SLC25A13: variants seen among roughly 807,000 people sequenced by gnomAD.
The protein encoded by SLC25A13 is electrogenic aspartate/glutamate antiporter SLC25A13, mitochondrial.
Under a neutral mutation model 85.5 loss-of-function variants are expected in SLC25A13, and 70 were observed. That is an observed-to-expected ratio of 0.82 (90% CI 0.68 to 1.00). SLC25A13 has a LOEUF of 1.00. Among genes scored for constraint, SLC25A13 ranks in the 50% least tolerant of loss-of-function variants. SLC25A13 has a pLI of 0.00. For missense variants in SLC25A13, 765 were observed against 819.8 expected (o/e 0.93, Z 0.82); for synonymous variants, 259 against 288.7 (o/e 0.90, Z 1.04).
chr7:96,292,110 C>G (rs781372773), intron 2 of SLC25A13, among the ~76,000 whole-genome samples: 4 of 152,178 alleles, frequency 2.6e-5, no homozygotes, highest in Non-Finnish European at 5.9e-5. Flanking sequence ...CCCTGGGGTG[C>G]AAGGCTGGTT....
intron 4 of SLC25A13, among the ~76,000 whole-genome samples, chr7:96,213,806 A>G (rs1795788612): frequency 6.6e-6 from 1 of 152,216 alleles, no homozygotes; most frequent in African/African-American, 2.4e-5. Flanking sequence ...TAGGCAAAGA[A>G]ACAAAACTAA....
At chr7:96,234,698 A>G in intron 4 of SLC25A13, 104 bp downstream of exon 4, 1 of 835,034 alleles carries the variant, frequency 1.2e-6, no homozygotes, top group Non-Finnish European at 2.0e-6. Flanking sequence ...ACTATCTTCT[A>G]TAAAGAATTT....
intron 13 of SLC25A13, among the ~76,000 whole-genome samples, chr7:96,168,904 T>C (rs567688936): frequency 5.9e-5 from 9 of 151,952 alleles, no homozygotes; most frequent in African/African-American, 2.2e-4. Flanking sequence ...AAATGGAGAG[T>C]AGTTATGGGG....
At chr7:96,198,256 G>T (rs1287267493) in intron 5 of SLC25A13, among the ~76,000 whole-genome samples, 6 of 152,162 alleles carry the variant, frequency 3.9e-5, no homozygotes, top group Admixed American at 2.0e-4. Context: ...CTACTGTGCA[G>T]GGTTGTAAAA....
At chr7:96,260,016 C>T (rs376625233) in intron 3 of SLC25A13, among the ~76,000 whole-genome samples, 267 of 147,588 alleles carry the variant, frequency 1.8e-3, no homozygotes, top group South Asian at 3.0e-3. Context: ...AGAACATATG[C>T]GCACAAGGAG....
chr7:96,277,448 A>G (rs1280100852), intron 2 of SLC25A13, 110 bp from the exon 3 acceptor site: 3 of 1,037,108 alleles, frequency 2.9e-6, no homozygotes, highest in Non-Finnish European at 4.3e-6. Context: ...AAAATATCAG[A>G]TATGATCATG....
chr7:96,278,476 T>C (rs1798543472), intron 2 of SLC25A13, among the ~76,000 whole-genome samples: 1 of 152,212 alleles, frequency 6.6e-6, no homozygotes, highest in African/African-American at 2.4e-5. Context: ...AGTAGTAATA[T>C]GCTTTGGCAT....
intron 3 of SLC25A13, among the ~76,000 whole-genome samples, chr7:96,245,758 G>A (rs1390688408): frequency 1.3e-5 from 2 of 152,166 alleles, no homozygotes; most frequent in African/African-American, 2.4e-5. Flanking sequence ...ATTACGTATT[G>A]CCTTCAAAGC....
chr7:96,188,601 C>T (rs557913049), intron 9 of SLC25A13, among the ~76,000 whole-genome samples: 1 of 152,318 alleles, frequency 6.6e-6, no homozygotes, highest in South Asian at 2.1e-4. Context: ...ATTTTACTAA[C>T]ACATGCTATG....
chr7:96,188,621 C>A (rs137997011), intron 9 of SLC25A13, among the ~76,000 whole-genome samples: 1 of 152,326 alleles, frequency 6.6e-6, no homozygotes, highest in African/African-American at 2.4e-5. Flanking sequence ...GAAGGCTTTT[C>A]TTCTCTAATC....
At chr7:96,235,748 G>A (rs1796720129) in intron 3 of SLC25A13, among the ~76,000 whole-genome samples, 1 of 152,158 alleles carries the variant, frequency 6.6e-6, no homozygotes, top group Non-Finnish European at 1.5e-5. Flanking sequence ...AGGACCAGAG[G>A]TGGCCTTGAA....
chr7:96,248,385 G>A (rs1295679057), intron 3 of SLC25A13, among the ~76,000 whole-genome samples: 1 of 152,164 alleles, frequency 6.6e-6, no homozygotes, highest in Non-Finnish European at 1.5e-5. Context: ...CATCAAAGCT[G>A]TCCACAGTCA....
intron 7 of SLC25A13, among the ~76,000 whole-genome samples, chr7:96,190,215 G>T (rs1434335415): frequency 6.6e-6 from 1 of 151,532 alleles, no homozygotes; most frequent in African/African-American, 2.4e-5. Flanking sequence ...CTCCCAAGGA[G>T]CTGGAACTAC....
intron 4 of SLC25A13, among the ~76,000 whole-genome samples, chr7:96,223,930 T>C (rs1039108998): frequency 1.3e-5 from 2 of 151,886 alleles, no homozygotes; most frequent in Non-Finnish European, 2.9e-5. Flanking sequence ...ATAAGATACA[T>C]CACTGGTATA....
At chr7:96,156,268 C>T (rs1405868915) in intron 13 of SLC25A13, among the ~76,000 whole-genome samples, 1 of 152,056 alleles carries the variant, frequency 6.6e-6, no homozygotes, top group East Asian at 1.9e-4. Flanking sequence ...CAGTAAAATC[C>T]CCAAATCTGA....
chr7:96,274,335 G>A (rs552448701), intron 3 of SLC25A13, among the ~76,000 whole-genome samples: 6 of 151,964 alleles, frequency 3.9e-5, no homozygotes, highest in East Asian at 1.9e-4. Flanking sequence ...CATATCCTTC[G>A]CCCACTTGTT....
rs765746161 is a variant in SLC25A13, at chr7:96,228,798, C to T, written c.328+6004G>A. 1.1e-3 allele frequency among the ~76,000 whole-genome samples: 161 copies of T among 152,304 alleles called. 1 individual carries two copies. Among genetic ancestry groups the T allele is most frequent in the Middle Eastern group, 6.8e-3 (2 of 294 alleles). The stretch of plus-strand genomic sequence containing the variant: ...GCGTGGGCTCCGCGGGCCCTGCACT[C>T]GGAGTGGATGGCCAGCACCGCCAGC... On this transcript the variant is annotated intron_variant, in intron 4 of 17. Coordinates refer to ENST00000265631, the MANE Select transcript of SLC25A13 (RefSeq NM_014251.3).
intron 4 of SLC25A13, among the ~76,000 whole-genome samples, chr7:96,228,598 C>A (rs1796404901): frequency 6.6e-6 from 1 of 152,208 alleles, no homozygotes; most frequent in Non-Finnish European, 1.5e-5. Context: ...GGCCTCGGCG[C>A]CCACTCTGGC....
Position 96,277,180 on chromosome 7 carries a change from TTAAAAA to T in SLC25A13, c.212+10_212+15del. On this transcript the variant is annotated intron_variant, in intron 3 of 17. Transcript: ENST00000265631. ...AAACAAAAAGAATTAAATAAAATAA[TTAAAAA>T]TAAACATACCCATCTTTGGTCTGAT... The T allele has an allele frequency of 6.5e-7, 1 of 1,537,540 alleles. No individual in the cohort carries two copies. The highest frequency in any genetic ancestry group is 8.8e-7 in the Non-Finnish European group (1 of 1,141,996).
Sources: gnomAD v4.1 joint callset for allele counts (sites outside exome capture counted in the v4.1 genomes callset) on GRCh38, gnomAD v4.1.1 for gene constraint, MANE v1.5 for transcripts, NCBI Gene and HGNC (gene_info 2026-07-23, HGNC 2026-07-21) for gene names.